Variants in LUC7L3 observed in about 807,000 individuals in gnomAD.
The protein encoded by LUC7L3 is luc7-like protein 3.
A neutral mutation model predicts 66.8 loss-of-function variants in LUC7L3; 6 were observed. The observed-to-expected ratio is 0.09, with a 90% CI of 0.05 to 0.18. LUC7L3 has a LOEUF of 0.18. LUC7L3 is among the 10% of genes least tolerant of loss of function. The pLI, the probability that LUC7L3 is intolerant of heterozygous loss-of-function variation, is 1.00. For missense variants in LUC7L3, 341 were observed against 531.1 expected (o/e 0.64, Z 3.52); for synonymous variants, 160 against 174.7 (o/e 0.92, Z 0.66).
At chr17:50,723,751 C>T (rs1968960140) in intron 1 of LUC7L3, 1 of 313,152 alleles carries the variant, frequency 3.2e-6, no homozygotes, top group Non-Finnish European at 6.4e-6. Flanking sequence ...ACCTCCTGGC[C>T]TCAGCGTCCC....
At chr17:50,728,405 A>C (rs564432168) in intron 1 of LUC7L3, among the ~76,000 whole-genome samples, 1 of 152,340 alleles carries the variant, frequency 6.6e-6, no homozygotes, top group East Asian at 1.9e-4. Flanking sequence ...AAATTCTTTT[A>C]TTAAAAATTA....
chr17:50,741,888 C>T (rs1196573271), intron 5 of LUC7L3, among the ~76,000 whole-genome samples, 157 bp downstream of exon 5: 1 of 151,950 alleles, frequency 6.6e-6, no homozygotes, highest in Non-Finnish European at 1.5e-5. Context: ...AATTTGAGAC[C>T]AGTCTGGGCA....
chr17:50,732,587 G>A (rs922994156), intron 1 of LUC7L3, among the ~76,000 whole-genome samples: 1 of 146,294 alleles, frequency 6.8e-6, no homozygotes, highest in African/African-American at 2.6e-5. Flanking sequence ...TTAGAGACAA[G>A]GTCTTACTAT....
intron 1 of LUC7L3, chr17:50,723,815 T>A (rs1296272570): frequency 2.9e-6 from 1 of 344,330 alleles, no homozygotes; most frequent in East Asian, 9.2e-5. Flanking sequence ...TTTTGTATTT[T>A]TAGTCGACAG....
In LUC7L3 at chr17:50,752,103, T is replaced by G. The variant is rs931065447; in HGVS notation, c.*1442T>G. Reference sequence around the variant, plus strand: ...AATACAAGCATTCCATGTACACATGTTAATTAGCAGTTAGTGACTGGGCCA... The same window carrying G: ...AATACAAGCATTCCATGTACACATGGTAATTAGCAGTTAGTGACTGGGCCA... On this transcript the variant is annotated 3_prime_UTR_variant, in exon 10 of 10. Transcript: ENST00000505658. 2 of 1,252,676 alleles carry G rather than the reference T, an allele frequency of 1.6e-6. No individual in the cohort carries two copies. Among genetic ancestry groups the G allele is most frequent in the African/African-American group, 3.1e-5 (2 of 63,840 alleles). The allele number at this position is 1,252,676 out of a possible 1,614,324, so 77.6% of individuals were successfully genotyped here.
intron 1 of LUC7L3, among the ~76,000 whole-genome samples, chr17:50,735,994 A>ATGG (rs1344401141): frequency 1.3e-5 from 2 of 152,202 alleles, no homozygotes; most frequent in Admixed American, 6.5e-5. Context: ...CTAGCTGGGC[A>ATGG]TGGTGGCACA....
chr17:50,736,705 C>A, intron 1 of LUC7L3: 1 of 364,500 alleles, frequency 2.7e-6, no homozygotes, highest in Non-Finnish European at 4.9e-6. Flanking sequence ...GTTTTTGCTA[C>A]TGGGGGGTCA....
chr17:50,734,661 A>T (rs1012785240), intron 1 of LUC7L3, among the ~76,000 whole-genome samples: 4 of 152,176 alleles, frequency 2.6e-5, no homozygotes, highest in African/African-American at 9.7e-5. Flanking sequence ...TGCAAAGAAT[A>T]ATCTTAAAAA....
rs1478048851 is a variant in LUC7L3, at chr17:50,752,120, A to T, written c.*1459A>T. On this transcript the variant is annotated 3_prime_UTR_variant, in exon 10 of 10. Transcript: ENST00000505658. ...TACACATGTTAATTAGCAGTTAGTG[A>T]CTGGGCCAACACTTTCTCATAAAAA... 7.9e-6 allele frequency: 10 copies of T among 1,264,620 alleles called. No individual in the cohort carries two copies. Among genetic ancestry groups the T allele is most frequent in the Non-Finnish European group, 9.2e-6 (9 of 978,574 alleles). The allele number at this position is 1,264,620 out of a possible 1,614,324, so 78.3% of individuals were successfully genotyped here. A position where few individuals can be genotyped will look rare whatever the true frequency, so the allele number is the denominator to read the frequency against.
chr17:50,735,086 C>T (rs947636438), intron 1 of LUC7L3, among the ~76,000 whole-genome samples: 12 of 151,884 alleles, frequency 7.9e-5, no homozygotes, highest in Admixed American at 1.3e-4. Context: ...CAAAATTGGC[C>T]GGGTGTGGTG....
intron 1 of LUC7L3, among the ~76,000 whole-genome samples, chr17:50,721,686 A>G (rs776464399): frequency 6.6e-6 from 1 of 152,176 alleles, no homozygotes; most frequent in Non-Finnish European, 1.5e-5. Context: ...GAAGCTGGGG[A>G]AGCTGTTGAT....
intron 1 of LUC7L3, 77 bp downstream of exon 1, chr17:50,719,908 C>A (rs893056918): frequency 4.9e-5 from 69 of 1,401,902 alleles, no homozygotes; most frequent in Non-Finnish European, 6.1e-5. Flanking sequence ...CCCTCCTGGC[C>A]GCGGCGCGAT....
intron 1 of LUC7L3, among the ~76,000 whole-genome samples, chr17:50,727,088 CA>C (rs888792127): frequency 2.8e-5 from 4 of 144,556 alleles, no homozygotes; most frequent in African/African-American, 2.5e-5. Flanking sequence ...GACTTTGTCT[CA>C]AAAAAAAAAG....
intron 1 of LUC7L3, among the ~76,000 whole-genome samples, chr17:50,732,739 T>C (rs1009649681): frequency 1.3e-5 from 2 of 152,106 alleles, no homozygotes; most frequent in African/African-American, 4.8e-5. Context: ...TCTGGTTCTT[T>C]TTCTTTTTTT....
chr17:50,741,381 A>G, intron 4 of LUC7L3, 135 bp downstream of exon 4: 1 of 903,796 alleles, frequency 1.1e-6, no homozygotes, highest in East Asian at 2.7e-5. Context: ...TAGGGCATTC[A>G]TTTTTTTTCC....
At position 50,752,889 on chromosome 17, in the gene LUC7L3, G is replaced by A. The variant is rs2143100398; in HGVS notation, c.*2228G>A. On this transcript the variant is annotated 3_prime_UTR_variant, in exon 10 of 10. Coordinates refer to ENST00000505658, the MANE Select transcript of LUC7L3 (RefSeq NM_016424.5). ...GAATTTTGCTTTTAATAGCAAAGAT[G>A]TGCAGTGAACTAGAATATATTTTTA... 1 of 152,278 alleles carries A rather than the reference G, an allele frequency of 6.6e-6. No homozygotes were observed. Among genetic ancestry groups the A allele is most frequent in the East Asian group, 1.9e-4 (1 of 5,190 alleles). 9.4% of individuals were successfully genotyped at this position (152,278 alleles called of 1,614,324 possible). A position where few individuals can be genotyped will look rare whatever the true frequency, so the allele number is the denominator to read the frequency against.
Position 50,751,015 on chromosome 17 carries a change from G to A in LUC7L3, c.*354G>A. ...TTTCTTTTTTTTTTTTAATAAAAAG[G>A]TTGAACTGTTTTTTTTTTTCTTTTT... On this transcript the variant is annotated 3_prime_UTR_variant, in exon 10 of 10. Transcript: ENST00000505658. 2.1e-6 allele frequency: 3 copies of A among 1,429,994 alleles called. No homozygotes were observed. The highest frequency in any genetic ancestry group is 2.7e-6 in the Non-Finnish European group (3 of 1,099,438). The allele number at this position is 1,429,994 out of a possible 1,614,324, so 88.6% of individuals were successfully genotyped here.
rs184778856 is a variant in LUC7L3 at position 50,744,460 on chromosome 17, C to A, written c.532-192C>A. Among the ~76,000 whole-genome samples the A allele has an allele frequency of 2.0e-3, 297 of 152,244 alleles. 1 individual carries two copies. The highest frequency in any genetic ancestry group is 7.0e-3 in the African/African-American group (291 of 41,548). On this transcript the variant is annotated intron_variant, in intron 6 of 9. Transcript: ENST00000505658. ...GTCTCAACATTTCTTCTGGATGATTCAGTAAGTTAGTTGCTGTTACCTTAA... is the reference window on the plus strand; with the variant it reads ...GTCTCAACATTTCTTCTGGATGATTAAGTAAGTTAGTTGCTGTTACCTTAA...
intron 9 of LUC7L3, among the ~76,000 whole-genome samples, chr17:50,749,520 T>C (rs550832700): frequency 7.2e-4 from 109 of 152,332 alleles, no homozygotes; most frequent in Middle Eastern, 3.4e-3. Context: ...TCCCATACCA[T>C]GTTTTGTTTT....
Sources: allele counts gnomAD v4.1 joint callset (sites outside exome capture counted in the v4.1 genomes callset), GRCh38; gene constraint gnomAD v4.1.1; transcripts MANE v1.5; gene names NCBI Gene and HGNC (gene_info 2026-07-23, HGNC 2026-07-21).